ANK3: variants seen among roughly 807,000 people sequenced by gnomAD.
ANK3 encodes ankyrin 3, also known as ankyrin-3.
A neutral mutation model predicts 370.9 loss-of-function variants in ANK3; 57 were observed. The observed-to-expected ratio is 0.15, with a 90% CI of 0.12 to 0.19. The LOEUF is 0.19. Among genes scored for constraint, ANK3 ranks in the 10% least tolerant of loss-of-function variants. ANK3 has a pLI of 1.00. For synonymous variants in ANK3, 1,929 were observed against 1,946.3 expected, an observed-to-expected ratio of 0.99 and a Z score of 0.23; for missense variants, 4,439 against 5,302.1, an observed-to-expected ratio of 0.84 and a Z score of 5.06.
intron 2 of ANK3, among the ~76,000 whole-genome samples, chr10:60,610,513 A>C (rs2078186886): frequency 6.6e-6 from 1 of 152,100 alleles, no homozygotes; most frequent in Admixed American, 6.6e-5. Flanking sequence ...AAAAAAAAAA[A>C]AAATGCTTCC....
At chr10:60,085,913 C>G (rs530245864) in intron 30 of ANK3, among the ~76,000 whole-genome samples, 7 of 152,310 alleles carry the variant, frequency 4.6e-5, no homozygotes, top group African/African-American at 1.4e-4. Context: ...CCGCGCCCAG[C>G]CTCTTACTCT....
intron 1 of ANK3, among the ~76,000 whole-genome samples, chr10:60,290,877 A>G (rs189678722): frequency 6.6e-6 from 1 of 152,316 alleles, no homozygotes; most frequent in East Asian, 1.9e-4. Context: ...CAGTGCTGGC[A>G]GGCTTTTGTT....
intron 1 of ANK3, among the ~76,000 whole-genome samples, chr10:60,303,137 C>T (rs2044200782): frequency 6.6e-6 from 1 of 152,166 alleles, no homozygotes; most frequent in Non-Finnish European, 1.5e-5. Context: ...GTTCTCATAA[C>T]ATTGATCTGG....
At chr10:60,683,123 G>A (rs761573242) in intron 1 of ANK3, among the ~76,000 whole-genome samples, 1 of 152,120 alleles carries the variant, frequency 6.6e-6, no homozygotes, top group Non-Finnish European at 1.5e-5. Context: ...CGCATCTTTG[G>A]TCACAGAAGT....
chr10:60,097,709 C>T (rs981366887), intron 28 of ANK3, among the ~76,000 whole-genome samples: 1 of 152,150 alleles, frequency 6.6e-6, no homozygotes, highest in African/African-American at 2.4e-5. Context: ...TATGGGCACA[C>T]AATTAAATGT....
intron 2 of ANK3, among the ~76,000 whole-genome samples, chr10:60,404,395 T>G (rs76134676): frequency 2.0e-5 from 3 of 152,274 alleles, no homozygotes; most frequent in Non-Finnish European, 2.9e-5. Context: ...GGCATTAAGA[T>G]AGACACAAAG....
At position 60,503,867 on chromosome 10, in the gene ANK3, G is replaced by A. The variant is rs543736160; in HGVS notation, c.96+111319C>T. On this transcript the variant is annotated intron_variant, in intron 2 of 43. Transcript: ENST00000373827. ...TAGTGCCTACTGAGATCATCATCTC[G>A]GTTTAGGTGACAGTGAGTCTTATAT... Among the ~76,000 whole-genome samples the A allele has an allele frequency of 1.8e-4, 28 of 152,190 alleles. No individual in the cohort carries two copies. The South Asian group carries it at 3.5e-3, about 19-fold the overall frequency.
chr10:60,395,103 T>C (rs1452903514), intron 2 of ANK3, among the ~76,000 whole-genome samples: 3 of 152,192 alleles, frequency 2.0e-5, no homozygotes. Context: ...CATGCAAGTG[T>C]GTTTGGAACA....
intron 1 of ANK3, among the ~76,000 whole-genome samples, chr10:60,353,068 C>T (rs2057149639): frequency 6.6e-6 from 1 of 152,024 alleles, no homozygotes; most frequent in African/African-American, 2.4e-5. Context: ...ACTGCATTCT[C>T]CACCTCCCCA....
intron 1 of ANK3, among the ~76,000 whole-genome samples, chr10:60,311,990 C>T (rs2046448740): frequency 6.6e-6 from 1 of 152,170 alleles, no homozygotes; most frequent in Non-Finnish European, 1.5e-5. Flanking sequence ...GGACTTTTGT[C>T]CATCTTGTGA....
At chr10:60,181,293 A>G (rs2096177673) in intron 18 of ANK3, 36 bp downstream of exon 18, 5 of 1,569,112 alleles carry the variant, frequency 3.2e-6, no homozygotes, top group Non-Finnish European at 4.4e-6. Context: ...CCAAATGGAC[A>G]CATTCTTTTC....
At chr10:60,096,645 C>T (rs1240093871) in intron 28 of ANK3, among the ~76,000 whole-genome samples, 4 of 152,170 alleles carry the variant, frequency 2.6e-5, no homozygotes, top group African/African-American at 9.7e-5. Flanking sequence ...AAAGTAATGT[C>T]TTGGTAGACT....
At chr10:60,317,698 A>G (rs1474470742) in intron 1 of ANK3, among the ~76,000 whole-genome samples, 1 of 149,676 alleles carries the variant, frequency 6.7e-6, no homozygotes, top group Non-Finnish European at 1.5e-5. Flanking sequence ...CCAAACATCA[A>G]CTCATGAGAT....
In ANK3 at chr10:60,138,990, G is replaced by A; in HGVS notation, c.2712C>T (p.Gly904=). 1.2e-6 allele frequency: 2 copies of A among 1,613,834 alleles called. No homozygotes were observed. Residue 904 remains glycine, a synonymous_variant, in exon 24 of 44, where the codon GGC becomes GGT. Transcript: ENST00000280772. ...TGGCAGAACGCGCTCCGAGACTAAAGCCCATGTAACCCTCTGCAGGCAGGG... is the reference window on the plus strand; with the variant it reads ...TGGCAGAACGCGCTCCGAGACTAAAACCCATGTAACCCTCTGCAGGCAGGG... The part of the protein sequence containing the change: ...DDSLPAEGYM[G]FSLGARSASL...
intron 2 of ANK3, among the ~76,000 whole-genome samples, chr10:60,442,882 T>C (rs1343500489): frequency 1.3e-5 from 2 of 152,184 alleles, no homozygotes; most frequent in Non-Finnish European, 2.9e-5. Context: ...TTCCCCAAGG[T>C]AACATACTTA....
chr10:60,680,384 G>C (rs1428433093), intron 1 of ANK3, among the ~76,000 whole-genome samples: 2 of 152,184 alleles, frequency 1.3e-5, no homozygotes, highest in Non-Finnish European at 2.9e-5. Flanking sequence ...GAGTTACAGA[G>C]GGAGGGGCAG....
intron 43 of ANK3, among the ~76,000 whole-genome samples, chr10:60,041,812 G>T (rs893682373): frequency 6.6e-6 from 1 of 152,204 alleles, no homozygotes; most frequent in African/African-American, 2.4e-5. Flanking sequence ...AGTGAAACTA[G>T]ATTACTTCCC....
At chr10:60,037,965 TGA>T (rs1022871888) in intron 43 of ANK3, among the ~76,000 whole-genome samples, 1 of 152,246 alleles carries the variant, frequency 6.6e-6, no homozygotes, top group Non-Finnish European at 1.5e-5. Context: ...TGTTATTTTT[TGA>T]GTTTTTAATA....
At chr10:60,182,774 A>G (rs1281418605) in intron 17 of ANK3, among the ~76,000 whole-genome samples, 1 of 152,198 alleles carries the variant, frequency 6.6e-6, no homozygotes, top group Non-Finnish European at 1.5e-5. Context: ...ATGTTTATAG[A>G]ATTTTGGAGG....
Sources: gnomAD v4.1 joint callset for allele counts (sites outside exome capture counted in the v4.1 genomes callset) on GRCh38, gnomAD v4.1.1 for gene constraint, MANE v1.5 for transcripts, NCBI Gene and HGNC (gene_info 2026-07-23, HGNC 2026-07-21) for gene names.